Variants in PCSK5 observed in about 807,000 individuals in gnomAD.
The protein encoded by PCSK5 is proprotein convertase subtilisin/kexin type 5.
Under a neutral mutation model 233.2 loss-of-function variants are expected in PCSK5, and 129 were observed. The observed-to-expected ratio is 0.55, with a 90% confidence interval of 0.48 to 0.64. The LOEUF (loss-of-function observed/expected upper bound fraction) is 0.64. Among genes scored for constraint, PCSK5 ranks in the 30% least tolerant of loss-of-function variants. The pLI is 0.00. For missense variants in PCSK5, 2,076 were observed against 2,430.1 expected, an observed-to-expected ratio of 0.85 and a Z score of 3.06; for synonymous variants, 825 against 879.2, an observed-to-expected ratio of 0.94 and a Z score of 1.09.
chr9:76,069,167 A>G (rs1297428093), intron 6 of PCSK5, among the ~76,000 whole-genome samples: 2 of 152,172 alleles, frequency 1.3e-5, no homozygotes, highest in Non-Finnish European at 2.9e-5. Context: ...ATTAAGCACA[A>G]TGCATATGAA....
intron 3 of PCSK5, among the ~76,000 whole-genome samples, chr9:76,022,550 G>T (rs1384411436): frequency 6.6e-6 from 1 of 152,106 alleles, no homozygotes; most frequent in Non-Finnish European, 1.5e-5. Flanking sequence ...TTCCTCTCCC[G>T]AGTCTTAAGA....
At chr9:75,916,909 G>A (rs1297167909) in intron 1 of PCSK5, among the ~76,000 whole-genome samples, 2 of 152,072 alleles carry the variant, frequency 1.3e-5, no homozygotes, top group South Asian at 2.1e-4. Context: ...GGTGGCTCAC[G>A]CCTGTAATCC....
In PCSK5 at chr9:76,159,012, C is replaced by T; in HGVS notation, c.1460C>T (p.Ser487Phe). ...KTIRPNSAVRSIYKASGCSDN... is the reference protein window; with the variant it reads ...KTIRPNSAVRFIYKASGCSDN... ...ATCCGCCCTAACAGTGCAGTGCGCT[C>T]CATCTACAAAGCTTCAGGCTGCTCG... The change falls in exon 12 of 38, where the codon TCC (serine) becomes TTC (phenylalanine). Residue 487 changes from serine to phenylalanine, a missense_variant. Coordinates refer to ENST00000674117, the MANE Select transcript of PCSK5 (RefSeq NM_001372043.1). 1 of 1,614,114 alleles carries T rather than the reference C, an allele frequency of 6.2e-7. No individual in the cohort carries two copies. The highest frequency in any genetic ancestry group is 1.1e-5 in the South Asian group (1 of 91,080).
chr9:76,205,008 G>A (rs556254419), intron 20 of PCSK5, among the ~76,000 whole-genome samples: 8 of 152,074 alleles, frequency 5.3e-5, no homozygotes, highest in African/African-American at 1.9e-4. Flanking sequence ...TTCAGCAAAG[G>A]GGTCATCTCA....
intron 3 of PCSK5, among the ~76,000 whole-genome samples, chr9:75,994,168 C>G (rs1481545001): frequency 4.6e-5 from 7 of 152,062 alleles, no homozygotes; most frequent in Non-Finnish European, 8.8e-5. Context: ...GATTTACCTG[C>G]TTCCACTGTT....
chr9:76,223,925 A>C (rs919868568), intron 20 of PCSK5, among the ~76,000 whole-genome samples: 1 of 152,240 alleles, frequency 6.6e-6, no homozygotes, highest in South Asian at 2.1e-4. Context: ...ACATGCAGTG[A>C]AAACTTGTGC....
intron 1 of PCSK5, among the ~76,000 whole-genome samples, chr9:75,896,765 G>A (rs1825825612): frequency 1.3e-5 from 2 of 152,064 alleles, no homozygotes; most frequent in South Asian, 4.1e-4. Flanking sequence ...ATGTATGTGT[G>A]TAATATATGT....
chr9:75,915,530 A>G (rs1294914214), intron 1 of PCSK5, among the ~76,000 whole-genome samples: 1 of 152,212 alleles, frequency 6.6e-6, no homozygotes, highest in African/African-American at 2.4e-5. Flanking sequence ...ACTTAGTGAC[A>G]GACCGTTGGC....
chr9:76,262,374 C>G (rs1827205098), intron 24 of PCSK5, among the ~76,000 whole-genome samples: 1 of 152,218 alleles, frequency 6.6e-6, no homozygotes, highest in South Asian at 2.1e-4. Context: ...TGACTTCAAA[C>G]TATACTATGA....
chr9:75,975,205 T>G (rs1200949846), intron 2 of PCSK5, among the ~76,000 whole-genome samples: 1 of 151,984 alleles, frequency 6.6e-6, no homozygotes, highest in Non-Finnish European at 1.5e-5. Context: ...CCCACTGTGA[T>G]CAAAACCATA....
chr9:76,191,587 A>AG (rs1824378833), intron 20 of PCSK5, among the ~76,000 whole-genome samples: 1 of 152,194 alleles, frequency 6.6e-6, no homozygotes, highest in South Asian at 2.1e-4. Context: ...GGAGCATCGT[A>AG]GGTGACTTTG....
chr9:76,107,200 A>G (rs1194579898), intron 8 of PCSK5, 51 bp from the exon 9 acceptor site: 2 of 1,065,116 alleles, frequency 1.9e-6, no homozygotes, highest in Admixed American at 3.9e-5. Flanking sequence ...TTCTACTTGC[A>G]GGTGACTCAC....
At chr9:76,043,489 T>A (rs1255589932) in intron 5 of PCSK5, among the ~76,000 whole-genome samples, 1 of 152,152 alleles carries the variant, frequency 6.6e-6, no homozygotes, top group Admixed American at 6.5e-5. Flanking sequence ...GACTAATTCT[T>A]ATTCTTAGGC....
chr9:75,999,404 C>T (rs1351042372), intron 3 of PCSK5, among the ~76,000 whole-genome samples: 2 of 152,104 alleles, frequency 1.3e-5, no homozygotes, highest in Non-Finnish European at 2.9e-5. Context: ...GAGCTGAGCC[C>T]CGAACAGAGA....
At chr9:75,923,069 T>G (rs1436662732) in intron 1 of PCSK5, among the ~76,000 whole-genome samples, 3 of 152,192 alleles carry the variant, frequency 2.0e-5, no homozygotes, top group African/African-American at 7.2e-5. Context: ...TAGAATTGAA[T>G]GTGGCTCTAC....
intron 1 of PCSK5, among the ~76,000 whole-genome samples, chr9:75,905,266 T>G (rs1434526338): frequency 6.6e-6 from 1 of 152,100 alleles, no homozygotes; most frequent in Non-Finnish European, 1.5e-5. Context: ...CCCAACACTT[T>G]GGGAGGTCAA....
At chr9:76,333,868 A>G (rs1464913021) in intron 34 of PCSK5, among the ~76,000 whole-genome samples, 1 of 152,176 alleles carries the variant, frequency 6.6e-6, no homozygotes, top group East Asian at 1.9e-4. Flanking sequence ...TATTTATTTA[A>G]CACATTTCAT....
intron 8 of PCSK5, among the ~76,000 whole-genome samples, chr9:76,100,891 A>C (rs751242835): frequency 6.6e-6 from 1 of 152,118 alleles, no homozygotes; most frequent in Non-Finnish European, 1.5e-5. Flanking sequence ...TTTCTGTATG[A>C]TGTTCAAACC....
chr9:76,214,504 C>A (rs1350348933), intron 20 of PCSK5, among the ~76,000 whole-genome samples: 3 of 152,132 alleles, frequency 2.0e-5, no homozygotes, highest in South Asian at 2.1e-4. Context: ...CCAGCTCTGG[C>A]AACAGCTAGG....
Sources: allele counts gnomAD v4.1 joint callset (sites outside exome capture counted in the v4.1 genomes callset), GRCh38; gene constraint gnomAD v4.1.1; transcripts MANE v1.5; gene names NCBI Gene and HGNC (gene_info 2026-07-23, HGNC 2026-07-21).